The following TBCD variants were observed in gnomAD, a reference collection of about 807,000 sequenced individuals.
The protein encoded by TBCD is tubulin folding cofactor D.
TBCD carries 105 observed loss-of-function variants against 169.3 expected under a neutral mutation model. The observed-to-expected ratio is 0.62, with a 90% CI of 0.53 to 0.73. TBCD has a LOEUF of 0.73. Ranked by LOEUF, TBCD falls within the 30% of genes least tolerant of loss-of-function variation. The pLI, the probability that TBCD is intolerant of heterozygous loss-of-function variation, is 0.00. For synonymous variants in TBCD, 700 were observed against 643.9 expected, an observed-to-expected ratio of 1.09 and a Z score of -1.32; for missense variants, 1,444 against 1,600.1, an observed-to-expected ratio of 0.90 and a Z score of 1.66.
At chr17:82,783,866 T>C (rs865827247) in intron 7 of TBCD, among the ~76,000 whole-genome samples, 49 of 152,030 alleles carry the variant, frequency 3.2e-4, no homozygotes, top group African/African-American at 1.2e-3. Flanking sequence ...GGCTCATGCC[T>C]ATAATCCCAG....
At position 82,890,219 on chromosome 17, in the gene TBCD, C is replaced by G. The variant is rs74000174; in HGVS notation, c.1563+522C>G. On this transcript the variant is annotated intron_variant, in intron 16 of 38. Transcript: ENST00000355528. The surrounding 1 kb of genome is among the most constrained non-coding windows in gnomAD (Gnocchi z 5.3). ...GTCAGCTTCGCCTGTGAATGGGGGG[C>G]CCCAGGTTACTCATGTTGTGTGTGA... 6.6e-6 allele frequency among the ~76,000 whole-genome samples: 1 copy of G among 152,154 alleles called. No homozygotes were observed. The highest frequency in any genetic ancestry group is 2.4e-5 in the African/African-American group (1 of 41,404).
intron 6 of TBCD, among the ~76,000 whole-genome samples, chr17:82,777,808 G>A (rs558025600): frequency 2.7e-4 from 41 of 151,762 alleles, no homozygotes; most frequent in African/African-American, 9.4e-4. Flanking sequence ...CCCTCCACAG[G>A]AGGTGGAGGA....
chr17:82,888,595 A>G (rs185458437), intron 15 of TBCD, among the ~76,000 whole-genome samples: 5 of 152,122 alleles, frequency 3.3e-5, no homozygotes, highest in Admixed American at 2.6e-4. Context: ...GTTTCCTCCA[A>G]TCTCCAGCCC....
At chr17:82,850,045 G>GTGCTCTTC (rs2055567864) in intron 13 of TBCD, among the ~76,000 whole-genome samples, 14 of 98,320 alleles carry the variant, frequency 1.4e-4, no homozygotes, top group South Asian at 4.5e-4. Flanking sequence ...GTTGTTGGCT[G>GTGCTCTTC]TGCTGTTGTT....
At position 82,922,217 on chromosome 17, in the gene TBCD, G is replaced by A. The variant is rs1046604292; in HGVS notation, c.2178+640G>A. On this transcript the variant is annotated intron_variant, in intron 25 of 38. Transcript: ENST00000355528. The surrounding 1 kb of genome is among the most constrained non-coding windows in gnomAD (Gnocchi z 4.1). ...CTCTACTAAAAATACAAAAATTAGC[G>A]GGGCGAGGTGGCGCGTGCCTGTAAT... is the stretch of plus-strand genomic sequence containing the variant. Among the ~76,000 whole-genome samples, 6 of 152,092 alleles carry A rather than the reference G, an allele frequency of 3.9e-5. No homozygotes were observed. Among genetic ancestry groups the A allele is most frequent in the Non-Finnish European group, 7.4e-5 (5 of 68,010 alleles).
At chr17:82,828,388 A>ACACG (rs201220682) in intron 13 of TBCD, among the ~76,000 whole-genome samples, 2 of 145,656 alleles carry the variant, frequency 1.4e-5, no homozygotes, top group African/African-American at 5.1e-5. Context: ...TCACAGATAC[A>ACACG]TGCACACCCA....
At position 82,893,559 on chromosome 17, in the gene TBCD, C is replaced by T; in HGVS notation, c.1576C>T (p.His526Tyr). ...ACTTTCTTATTAGGGCACTTTCCCT[C>T]ATGGTATTGATATTTTGACCACAGC... ...ENVGRQGTFP[H>Y]GIDILTTADY... The change falls in exon 17 of 39, where the codon CAT (histidine) becomes TAT (tyrosine). Residue 526 changes from histidine to tyrosine, a missense_variant. Coordinates refer to ENST00000355528, the MANE Select transcript of TBCD (RefSeq NM_005993.5). 6.2e-7 allele frequency: 1 copy of T among 1,610,126 alleles called. No individual in the cohort carries two copies.
chr17:82,855,283 G>T (rs1422550646), intron 13 of TBCD, among the ~76,000 whole-genome samples: 2 of 114,008 alleles, frequency 1.8e-5, no homozygotes, highest in African/African-American at 7.0e-5. Flanking sequence ...ATTTTTTAGA[G>T]CCAGGGTCAC....
chr17:82,807,216 T>C (rs528227463), intron 10 of TBCD, among the ~76,000 whole-genome samples: 1 of 152,374 alleles, frequency 6.6e-6, no homozygotes, highest in Admixed American at 6.5e-5. Context: ...GCCTGGTCCC[T>C]GGGAGAGACG....
At chr17:82,752,845 G>A (rs1281988619) in intron 1 of TBCD, among the ~76,000 whole-genome samples, 1 of 152,182 alleles carries the variant, frequency 6.6e-6, no homozygotes, top group Non-Finnish European at 1.5e-5. Flanking sequence ...GAATGAGAGA[G>A]GGGGACGCAG....
Position 82,814,829 on chromosome 17 carries a change from G to A in TBCD, c.1224-11G>A, listed in dbSNP as rs2051735522. ...CGTGGGCTGTGGTCTCAGGATCTTTGTTGCTCTCAGTTTCCAGGAGACTGA... is the reference window on the plus strand; with the variant it reads ...CGTGGGCTGTGGTCTCAGGATCTTTATTGCTCTCAGTTTCCAGGAGACTGA... On this transcript the variant is annotated splice_polypyrimidine_tract_variant and intron_variant, in intron 12 of 38. Transcript: ENST00000355528. The A allele has an allele frequency of 1.2e-6, 2 of 1,613,686 alleles. No individual in the cohort carries two copies. Among genetic ancestry groups the A allele is most frequent in the South Asian group, 2.2e-5 (2 of 91,040 alleles).
At chr17:82,850,060 GTGC>G (rs1254106884) in intron 13 of TBCD, among the ~76,000 whole-genome samples, 5 of 48,212 alleles carry the variant, frequency 1.0e-4, no homozygotes, top group African/African-American at 3.6e-4. Context: ...GTTGTTGGCT[GTGC>G]TGCTGTTGGC....
chr17:82,793,841 G>A (rs1278969998), intron 7 of TBCD, among the ~76,000 whole-genome samples: 2 of 152,100 alleles, frequency 1.3e-5, no homozygotes, highest in Non-Finnish European at 2.9e-5. Flanking sequence ...TGAGCCTGCG[G>A]GGGCACGGAT....
chr17:82,761,721 C>CTTCTTT (rs386386790), intron 2 of TBCD, among the ~76,000 whole-genome samples: 1 of 145,530 alleles, frequency 6.9e-6, no homozygotes, highest in Non-Finnish European at 1.5e-5. Flanking sequence ...TTTGTTTCTT[C>CTTCTTT]TTTTTTTTTT....
intron 13 of TBCD, among the ~76,000 whole-genome samples, chr17:82,853,036 C>T (rs1017963058): frequency 1.3e-5 from 2 of 152,044 alleles, no homozygotes; most frequent in Admixed American, 6.5e-5. Context: ...TCTTTATGCC[C>T]GATGTGAATG....
At chr17:82,758,333 A>G (rs1229300200) in intron 2 of TBCD, among the ~76,000 whole-genome samples, 1 of 138,678 alleles carries the variant, frequency 7.2e-6, no homozygotes, top group Non-Finnish European at 1.5e-5. Context: ...GCAGTGAGCC[A>G]AGATCGTGCC....
At chr17:82,860,794 C>G (rs919826174) in intron 13 of TBCD, among the ~76,000 whole-genome samples, 2 of 152,188 alleles carry the variant, frequency 1.3e-5, no homozygotes, top group Non-Finnish European at 2.9e-5. Flanking sequence ...AGAAGCATGT[C>G]CATTTGTCCC....
At chr17:82,816,366 T>C (rs878885500) in intron 13 of TBCD, among the ~76,000 whole-genome samples, 1 of 152,200 alleles carries the variant, frequency 6.6e-6, no homozygotes, top group Non-Finnish European at 1.5e-5. Context: ...GTGTACACGT[T>C]TTTGAGTGGA....
At chr17:82,830,992 G>GAC in intron 13 of TBCD, 1 of 1,613,810 alleles carries the variant, frequency 6.2e-7, no homozygotes. Flanking sequence ...CATTCCCTTG[G>GAC]AGGTTTTGAA....
Sources: allele counts gnomAD v4.1 joint callset (sites outside exome capture counted in the v4.1 genomes callset), GRCh38; gene constraint gnomAD v4.1.1; non-coding constraint Gnocchi (gnomAD v3.1); transcripts MANE v1.5; gene names NCBI Gene and HGNC (gene_info 2026-07-23, HGNC 2026-07-21).